DIPK1C: variants seen among roughly 807,000 people sequenced by gnomAD.
The protein encoded by DIPK1C is divergent protein kinase domain 1C.
DIPK1C carries 33 observed loss-of-function variants against 28.0 expected under a neutral mutation model. The ratio of observed to expected loss-of-function variants is 1.18; its 90% CI spans 0.89 to 1.58. The LOEUF is 1.58. Ranked by LOEUF, DIPK1C falls within the 40% of genes most tolerant of loss-of-function variation. The probability of loss-of-function intolerance (pLI) is 0.00; values close to 1 mark genes in which losing one functional copy is unlikely to be tolerated. For synonymous variants in DIPK1C, 255 were observed against 248.8 expected, an observed-to-expected ratio of 1.02 and a Z score of -0.23; for missense variants, 569 against 568.5, an observed-to-expected ratio of 1.00 and a Z score of -0.01.
At chr18:74,442,185 C>T (rs1306325312) in intron 2 of DIPK1C, 69 bp from the exon 3 acceptor site, 2 of 1,580,960 alleles carry the variant, frequency 1.3e-6, no homozygotes, top group Admixed American at 3.7e-5. Flanking sequence ...AGCCTGTTCA[C>T]AACTTCTGTT....
At chr18:74,461,690 G>A (rs867118403), upstream of DIPK1C, among the ~76,000 whole-genome samples, 17 of 151,948 alleles carry the variant, frequency 1.1e-4, no homozygotes, top group African/African-American at 4.1e-4. Context: ...TATAAGGGCA[G>A]GGGGATCATA....
Position 74,457,200 on chromosome 18 carries a change from G to T in DIPK1C, c.60C>A (p.Cys20Ter), listed in dbSNP as rs773577630. Reference protein sequence around the residue: ...PAGWCRRRGRCGRGTLLAFAA... With the variant: ...PAGWCRRRGR The stretch of plus-strand genomic sequence containing the variant: ...CGAAGGCGAGGAGCGTGCCCCGCCC[G>T]CAGCGCCCGCGCCTCCTGCACCACC... The change falls in exon 1 of 4, where the codon TGC becomes TGA. Residue 20 changes from cysteine to a stop codon, truncating the protein, a stop_gained. Transcript: ENST00000343998. LOFTEE classifies it high-confidence loss of function. 2.4e-4 allele frequency: 293 copies of T among 1,202,644 alleles called. 3 individuals carry two copies. In the East Asian group the frequency reaches 0.01, roughly 43 times the overall value. 74.5% of individuals were successfully genotyped at this position (1,202,644 alleles called of 1,614,324 possible).
At chr18:74,461,925 G>GA (rs912096200), upstream of DIPK1C, among the ~76,000 whole-genome samples, 10 of 148,520 alleles carry the variant, frequency 6.7e-5, no homozygotes, top group Non-Finnish European at 1.0e-4. Flanking sequence ...CCAGCTAATT[G>GA]AAAAAAAAAC....
At chr18:74,448,019 G>T (rs967141045) in intron 1 of DIPK1C, among the ~76,000 whole-genome samples, 1 of 152,094 alleles carries the variant, frequency 6.6e-6, no homozygotes, top group South Asian at 2.1e-4. Context: ...CCCGGATGGG[G>T]TGTTTCTCCT....
At chr18:74,444,820 C>T (rs902336554) in intron 2 of DIPK1C, among the ~76,000 whole-genome samples, 1 of 152,146 alleles carries the variant, frequency 6.6e-6, no homozygotes, top group Non-Finnish European at 1.5e-5. Context: ...CGACAAAACA[C>T]AGTCTGGGGC....
intron 1 of DIPK1C, among the ~76,000 whole-genome samples, chr18:74,451,714 G>T (rs1455084934): frequency 1.3e-5 from 2 of 152,222 alleles, no homozygotes; most frequent in African/African-American, 4.8e-5. Context: ...CGGCGACACT[G>T]GGTGTCAGAA....
chr18:74,457,015 C>T (rs1473509104), intron 1 of DIPK1C, 47 bp downstream of exon 1: 1 of 1,376,414 alleles, frequency 7.3e-7, no homozygotes, highest in South Asian at 1.6e-5. Flanking sequence ...GGTGTGATCC[C>T]CCCTCCCCGG....
At chr18:74,446,462 TG>T in intron 2 of DIPK1C, 143 bp downstream of exon 2, 1 of 672,712 alleles carries the variant, frequency 1.5e-6, no homozygotes, top group Non-Finnish European at 2.2e-6. Context: ...GGAAGTGTTC[TG>T]GTAGGTGGGA....
At chr18:74,449,546 C>T (rs1440916665) in intron 1 of DIPK1C, among the ~76,000 whole-genome samples, 5 of 152,202 alleles carry the variant, frequency 3.3e-5, no homozygotes, top group Non-Finnish European at 7.3e-5. Flanking sequence ...TCTGACTGCC[C>T]CCCTGGCTTC....
Position 74,435,383 on chromosome 18 carries a change from T to G in DIPK1C, c.*1118A>C, listed in dbSNP as rs1246161591. The G allele has an allele frequency of 1.3e-5, 2 of 152,222 alleles. No individual in the cohort carries two copies. The highest frequency in any genetic ancestry group is 2.4e-5 in the African/African-American group (1 of 41,448). 9.4% of individuals were successfully genotyped at this position (152,222 alleles called of 1,614,324 possible). On this transcript the variant is annotated 3_prime_UTR_variant, in exon 4 of 4. Transcript: ENST00000343998. ...TTCACCTGGCCTGTCCCCCTGCCTG[T>G]ATTTTGCTGGAAAAGCCTCCTTGGG...
In DIPK1C at chr18:74,435,730, C is replaced by T. The variant is rs1182844072; in HGVS notation, c.*771G>A. The T allele has an allele frequency of 1.3e-5, 2 of 152,152 alleles. No homozygotes were observed. The highest frequency in any genetic ancestry group is 1.3e-4 in the Admixed American group (2 of 15,266). 9.4% of individuals were successfully genotyped at this position (152,152 alleles called of 1,614,324 possible). On this transcript the variant is annotated 3_prime_UTR_variant, in exon 4 of 4. Transcript: ENST00000343998. Reference sequence around the variant, plus strand: ...ATGCAAATTCCCTTCCCTAAAGATGCAGCTTATTTTCTTTTTATTGTATTT... The same window carrying T: ...ATGCAAATTCCCTTCCCTAAAGATGTAGCTTATTTTCTTTTTATTGTATTT...
chr18:74,459,048 G>A (rs1473929290), upstream of DIPK1C, among the ~76,000 whole-genome samples: 1 of 152,200 alleles, frequency 6.6e-6, no homozygotes, highest in Non-Finnish European at 1.5e-5. Context: ...AAGCTGCAAT[G>A]ACTGTTATCA....
chr18:74,435,706 T>G lies in DIPK1C; in HGVS notation c.*795A>C, dbSNP rs1985971012. On this transcript the variant is annotated 3_prime_UTR_variant, in exon 4 of 4. Transcript: ENST00000343998. ...AGCTGCCGTTACACACGCTCTCCAA[T>G]GCAAATTCCCTTCCCTAAAGATGCA... 6.6e-6 allele frequency: 1 copy of G among 152,208 alleles called. No individual in the cohort carries two copies. The highest frequency in any genetic ancestry group is 2.1e-4 in the South Asian group (1 of 4,834). The allele number at this position is 152,208 out of a possible 1,614,324, so 9.4% of individuals were successfully genotyped here.
intron 1 of DIPK1C, among the ~76,000 whole-genome samples, chr18:74,456,065 A>G (rs1243929224): frequency 6.6e-6 from 1 of 152,216 alleles, no homozygotes; most frequent in Non-Finnish European, 1.5e-5. Context: ...TTTCTTGAAG[A>G]TTTTTTAGAA....
At chr18:74,453,335 C>G (rs895450442) in intron 1 of DIPK1C, among the ~76,000 whole-genome samples, 1 of 152,204 alleles carries the variant, frequency 6.6e-6, no homozygotes, top group Non-Finnish European at 1.5e-5. Context: ...TATTCCTTCC[C>G]GAAGTAGCTA....
At chr18:74,437,882 C>G (rs909984762) in intron 3 of DIPK1C, among the ~76,000 whole-genome samples, 1 of 152,194 alleles carries the variant, frequency 6.6e-6, no homozygotes, top group African/African-American at 2.4e-5. Context: ...TGAGGGAGAT[C>G]CCTCCAAATT....
At chr18:74,463,768 A>C in the DIPK1C span, among the ~76,000 whole-genome samples, 1 of 152,244 alleles carries the variant, frequency 6.6e-6, no homozygotes, top group Non-Finnish European at 1.5e-5. Context: ...TTCAGCAAAT[A>C]ACGTGCAACT....
At chr18:74,454,476 G>A (rs1454682153) in intron 1 of DIPK1C, among the ~76,000 whole-genome samples, 2 of 152,242 alleles carry the variant, frequency 1.3e-5, no homozygotes, top group Non-Finnish European at 2.9e-5. Context: ...GCTACTGGGG[G>A]TGGGGAATCC....
At chr18:74,459,606 A>G (rs181548502), upstream of DIPK1C, among the ~76,000 whole-genome samples, 2 of 152,296 alleles carry the variant, frequency 1.3e-5, no homozygotes, top group Non-Finnish European at 2.9e-5. Context: ...TTTTTGTAGG[A>G]TATAGGCAGA....
Sources: gnomAD v4.1 joint callset for allele counts (sites outside exome capture counted in the v4.1 genomes callset) on GRCh38, gnomAD v4.1.1 for gene constraint, MANE v1.5 for transcripts, NCBI Gene and HGNC (gene_info 2026-07-23, HGNC 2026-07-21) for gene names.